TYR: variants seen among roughly 807,000 people sequenced by gnomAD.
TYR encodes tyrosinase, also known as LB24-AB.
Under a neutral mutation model 51.5 loss-of-function variants are expected in TYR, and 58 were observed. That is an observed-to-expected ratio of 1.13 (90% CI 0.91 to 1.40). The LOEUF (loss-of-function observed/expected upper bound fraction) is 1.40, where lower values mean the gene tolerates loss of function less well. TYR is among the 40% of genes most tolerant of loss of function. TYR has a pLI of 0.00. For synonymous variants in TYR, 263 were observed against 235.2 expected (o/e 1.12, Z -1.08); for missense variants, 732 against 647.4 (o/e 1.13, Z -1.42).
chr11:89,270,350 C>A (rs1162331724), intron 3 of TYR, among the ~76,000 whole-genome samples: 1 of 151,884 alleles, frequency 6.6e-6, no homozygotes, highest in Admixed American at 6.6e-5. Flanking sequence ...CCACTCAACC[C>A]TCATCCAAGT....
At chr11:89,235,487 T>G (rs1204618695) in intron 3 of TYR, among the ~76,000 whole-genome samples, 1 of 152,170 alleles carries the variant, frequency 6.6e-6, no homozygotes, top group Non-Finnish European at 1.5e-5. Context: ...AAATACTATT[T>G]ACCATTTAAA....
chr11:89,252,214 G>A (rs1181724028), intron 3 of TYR, among the ~76,000 whole-genome samples: 2 of 145,964 alleles, frequency 1.4e-5, no homozygotes, highest in South Asian at 2.1e-4. Flanking sequence ...GAGACGATCA[G>A]TACCAAGCCA....
intron 3 of TYR, among the ~76,000 whole-genome samples, chr11:89,271,238 A>G (rs554968513): frequency 6.6e-5 from 10 of 152,028 alleles, no homozygotes; most frequent in Middle Eastern, 3.4e-3. Context: ...TGTAGTAAGT[A>G]CTATTACCTA....
chr11:89,183,475 T>C (rs1943328035), intron 1 of TYR, among the ~76,000 whole-genome samples: 1 of 152,040 alleles, frequency 6.6e-6, no homozygotes, highest in Admixed American at 6.6e-5. Context: ...TGTGTGCTAA[T>C]AGGAGGATTA....
intron 1 of TYR, among the ~76,000 whole-genome samples, chr11:89,190,164 C>T (rs539826095): frequency 4.4e-4 from 67 of 152,164 alleles, no homozygotes; most frequent in Admixed American, 1.1e-3. Flanking sequence ...TCATTATTTT[C>T]GAATGTACTT....
At chr11:89,279,231 C>T (rs1033213044) in intron 3 of TYR, among the ~76,000 whole-genome samples, 44 of 151,756 alleles carry the variant, frequency 2.9e-4, no homozygotes, top group African/African-American at 9.2e-4. Context: ...AAACTAGAAC[C>T]TTTCTTTTCC....
chr11:89,237,324 C>T (rs1944129705), intron 3 of TYR, among the ~76,000 whole-genome samples: 1 of 152,076 alleles, frequency 6.6e-6, no homozygotes, highest in Non-Finnish European at 1.5e-5. Flanking sequence ...CTAGCAGTTT[C>T]ACAGTTTCAG....
intron 2 of TYR, among the ~76,000 whole-genome samples, chr11:89,216,437 A>G (rs1282903098): frequency 1.3e-5 from 2 of 152,122 alleles, no homozygotes; most frequent in East Asian, 3.9e-4. Context: ...TGATTGCCTC[A>G]GCTCTGGAGT....
intron 2 of TYR, among the ~76,000 whole-genome samples, chr11:89,195,042 G>A (rs181692835): frequency 1.3e-5 from 2 of 152,308 alleles, no homozygotes; most frequent in East Asian, 3.9e-4. Context: ...GGACAGGGAT[G>A]TGGGGTGTCT....
At chr11:89,245,274 T>C (rs538719323) in intron 3 of TYR, among the ~76,000 whole-genome samples, 1 of 152,212 alleles carries the variant, frequency 6.6e-6, no homozygotes, top group Non-Finnish European at 1.5e-5. Flanking sequence ...TAAGGTTTAT[T>C]GTGTGCTTAC....
chr11:89,210,647 C>T (rs530919157), intron 2 of TYR, among the ~76,000 whole-genome samples: 1 of 152,200 alleles, frequency 6.6e-6, no homozygotes, highest in South Asian at 2.1e-4. Context: ...AGAAGAGCAA[C>T]CCCAAGACAC....
At chr11:89,228,024 G>A in intron 3 of TYR, 54 bp downstream of exon 3, 6 of 1,591,490 alleles carry the variant, frequency 3.8e-6, no homozygotes, top group Non-Finnish European at 4.3e-6. Context: ...AATAGAGGGT[G>A]CCTATCAAAT....
At chr11:89,239,275 G>T (rs1944161125) in intron 3 of TYR, among the ~76,000 whole-genome samples, 1 of 151,924 alleles carries the variant, frequency 6.6e-6, no homozygotes, top group Non-Finnish European at 1.5e-5. Context: ...GGTCTATTAA[G>T]ATTTTCTATT....
At chr11:89,257,385 A>G (rs1046578653) in intron 3 of TYR, among the ~76,000 whole-genome samples, 33 of 152,046 alleles carry the variant, frequency 2.2e-4, no homozygotes, top group African/African-American at 8.0e-4. Context: ...TTCTATCTTC[A>G]TGAAGAGGTA....
intron 3 of TYR, among the ~76,000 whole-genome samples, chr11:89,282,049 A>G (rs1385319726): frequency 4.0e-5 from 6 of 151,864 alleles, no homozygotes; most frequent in Non-Finnish European, 2.9e-5. Context: ...CTGGTGAAGA[A>G]CTTAATCAAG....
rs1394124026 is a variant in TYR, at chr11:89,178,781, T to C, written c.819+9T>C. The C allele has an allele frequency of 1.2e-6, 2 of 1,613,760 alleles. No homozygotes were observed. Among genetic ancestry groups the C allele is most frequent in the South Asian group, 1.1e-5 (1 of 91,078 alleles). On this transcript the variant is annotated intron_variant, in intron 1 of 4. Coordinates refer to ENST00000263321, the MANE Select transcript of TYR (RefSeq NM_000372.5). ...TCTTCTCCTCTTGGCAGGTAAGATA[T>C]GCTAGATATACGATGTCAGAGTAGG...
intron 3 of TYR, among the ~76,000 whole-genome samples, chr11:89,280,981 A>T (rs149737007): frequency 9.0e-4 from 137 of 151,766 alleles, no homozygotes; most frequent in South Asian, 2.3e-3. Context: ...CAGCTCTTTT[A>T]GCTGTAATCC....
intron 2 of TYR, among the ~76,000 whole-genome samples, chr11:89,204,505 C>G (rs1943645265): frequency 6.6e-6 from 1 of 151,878 alleles, no homozygotes; most frequent in Non-Finnish European, 1.5e-5. Context: ...TGGGATTCCC[C>G]TGCCTCAGTT....
intron 2 of TYR, among the ~76,000 whole-genome samples, chr11:89,221,175 C>A (rs188707875): frequency 7.5e-4 from 115 of 152,318 alleles, no homozygotes; most frequent in Non-Finnish European, 1.3e-3. Context: ...CAGTGACTCA[C>A]TGTTAGGGTT....
Sources: allele counts gnomAD v4.1 joint callset (sites outside exome capture counted in the v4.1 genomes callset), GRCh38; gene constraint gnomAD v4.1.1; transcripts MANE v1.5; gene names NCBI Gene and HGNC (gene_info 2026-07-23, HGNC 2026-07-21).